Variants in ANAPC5 observed in about 807,000 individuals in gnomAD.
ANAPC5 encodes the protein anaphase promoting complex subunit 5, also known as anaphase-promoting complex subunit 5.
In ANAPC5, 60 loss-of-function variants were observed where a neutral mutation model predicts 91.3. The observed-to-expected ratio is 0.66, with a 90% confidence interval of 0.53 to 0.81. The LOEUF is 0.81. Ranked by LOEUF, ANAPC5 falls within the 40% of genes least tolerant of loss-of-function variation. The pLI is 0.00. For missense variants in ANAPC5, 690 were observed against 931.5 expected, an observed-to-expected ratio of 0.74 and a Z score of 3.37; for synonymous variants, 340 against 364.1, an observed-to-expected ratio of 0.93 and a Z score of 0.75.
rs1379913558 is a variant in ANAPC5 at position 121,342,791 on chromosome 12, G to GGA, written c.591-724_591-723dup. On this transcript the variant is annotated intron_variant, in intron 4 of 16. Coordinates refer to ENST00000261819, the MANE Select transcript of ANAPC5 (RefSeq NM_016237.5). This position sits in a 1 kb window ranked among gnomAD's most constrained non-coding sequence, Gnocchi z 4.1. ...GAAAAATTGTTTGATCCCGGGAGGT[G>GGA]GAGGTTGCAGCGAGCCAAGATCACG... Among the ~76,000 whole-genome samples, 8 of 152,136 alleles carry GGA rather than the reference G, an allele frequency of 5.3e-5. No individual in the cohort carries two copies. The highest frequency in any genetic ancestry group is 1.9e-4 in the African/African-American group (8 of 41,424).
chr12:121,330,839 A>G (rs1469736127), intron 8 of ANAPC5, 167 bp from the exon 9 acceptor site: 1 of 557,462 alleles, frequency 1.8e-6, no homozygotes, highest in South Asian at 2.2e-5. Flanking sequence ...AAACATATCA[A>G]CATCATTAAA....
chr12:121,322,961 G>C (rs561103720), intron 11 of ANAPC5, among the ~76,000 whole-genome samples: 4 of 152,142 alleles, frequency 2.6e-5, no homozygotes, highest in Non-Finnish European at 5.9e-5. Flanking sequence ...GGAGGCAGAG[G>C]TTGCAGTGAG....
At chr12:121,320,506 C>T (rs1350251296) in intron 11 of ANAPC5, 47 bp from the exon 12 acceptor site, 1 of 1,535,934 alleles carries the variant, frequency 6.5e-7, no homozygotes, top group Non-Finnish European at 9.0e-7. Flanking sequence ...GTGTTGAATC[C>T]ACACCTGCTG....
At position 121,345,910 on chromosome 12, in the gene ANAPC5, A is replaced by G. The variant is rs144971466; in HGVS notation, c.519T>C (p.Ala173=). 1 of 1,614,070 alleles carries G rather than the reference A, an allele frequency of 6.2e-7. No homozygotes were observed. The highest frequency in any genetic ancestry group is 8.5e-7 in the Non-Finnish European group (1 of 1,180,044). The change falls in exon 4 of 17, where the codon GCT becomes GCC. Residue 173 remains alanine, a synonymous_variant. Coordinates refer to ENST00000261819, the MANE Select transcript of ANAPC5 (RefSeq NM_016237.5). ...QNGEKKTVED[A]DMELTSRDEG... ...CATCTCTACTGGTCAGTTCCATATC[A>G]GCATCCTCCACTGTCTTTTTCTCAC... is the stretch of plus-strand genomic sequence containing the variant.
chr12:121,343,763 C>T (rs1474563964), intron 4 of ANAPC5, among the ~76,000 whole-genome samples: 1 of 152,212 alleles, frequency 6.6e-6, no homozygotes, highest in Non-Finnish European at 1.5e-5. Flanking sequence ...AGCCTAACAG[C>T]CTGCAATGCA....
chr12:121,312,812 G>A (rs1183831681), intron 15 of ANAPC5, among the ~76,000 whole-genome samples: 8 of 151,496 alleles, frequency 5.3e-5, no homozygotes, highest in Admixed American at 1.3e-4. Flanking sequence ...CCCAGGAGGC[G>A]GAGGTTGCAG....
chr12:121,333,893 A>G (rs1903133087), intron 7 of ANAPC5: 1 of 152,064 alleles, frequency 6.6e-6, no homozygotes, highest in African/African-American at 2.4e-5. Flanking sequence ...TCCCTCCCAC[A>G]TTACTTATAT....
chr12:121,309,889 T>C (rs1401225623), intron 15 of ANAPC5, 26 bp from the exon 16 acceptor site: 1 of 1,582,762 alleles, frequency 6.3e-7, no homozygotes, highest in Non-Finnish European at 8.6e-7. Context: ...CATGGCACTG[T>C]ACATACCCAA....
At chr12:121,353,435 CTTTTG>C (rs61516038), upstream of ANAPC5, among the ~76,000 whole-genome samples, 9 of 150,942 alleles carry the variant, frequency 6.0e-5, no homozygotes, top group South Asian at 2.1e-4. Context: ...TGCCTTGTGC[CTTTTG>C]TTTTGTTTTG....
chr12:121,340,685 T>C (rs1259128864), intron 5 of ANAPC5, among the ~76,000 whole-genome samples: 2 of 151,768 alleles, frequency 1.3e-5, no homozygotes, highest in Non-Finnish European at 2.9e-5. Context: ...CCCGAGTAGC[T>C]GGGATTACAG....
rs1903811571 is a variant in ANAPC5 at position 121,349,723 on chromosome 12, T to TA, written c.208-1843_208-1842insT. ...AGAGACCAGAATCACTGTTTCTATT[T>TA]TTTTTTTTTTTTTGGAGACGGATGC... is the stretch of plus-strand genomic sequence containing the variant. On this transcript the variant is annotated intron_variant, in intron 1 of 16. Transcript: ENST00000261819. Among the ~76,000 whole-genome samples, 3 of 148,570 alleles carry TA rather than the reference T, an allele frequency of 2.0e-5. No homozygotes were observed. The South Asian group carries it at 6.3e-4, about 31-fold the overall frequency.
chr12:121,346,267 A>G (rs782507541), intron 3 of ANAPC5: 2 of 412,970 alleles, frequency 4.8e-6, no homozygotes, highest in East Asian at 7.8e-5. Context: ...GAAGGCTTCC[A>G]TTTTACTTTC....
chr12:121,327,701 A>G (rs1357253968), intron 10 of ANAPC5: 1 of 165,678 alleles, frequency 6.0e-6, no homozygotes, highest in Non-Finnish European at 1.3e-5. Context: ...AATTCCTAGA[A>G]ACAGACTGTC....
chr12:121,326,024 G>A (rs1335019292), intron 11 of ANAPC5, among the ~76,000 whole-genome samples: 9 of 152,144 alleles, frequency 5.9e-5, no homozygotes, highest in Admixed American at 2.6e-4. Context: ...ACATTCCCAG[G>A]GGAAGCAACC....
chr12:121,318,105 A>C (rs1902443163), intron 15 of ANAPC5, 172 bp downstream of exon 15: 1 of 669,786 alleles, frequency 1.5e-6, no homozygotes, highest in Admixed American at 4.0e-5. Context: ...GTTTGTCACC[A>C]GGTTCACACC....
intron 15 of ANAPC5, among the ~76,000 whole-genome samples, chr12:121,315,041 A>G (rs1422040850): frequency 1.3e-5 from 2 of 152,096 alleles, no homozygotes; most frequent in Non-Finnish European, 2.9e-5. Context: ...AACTATCTCT[A>G]TTTGCAGATG....
intron 7 of ANAPC5, chr12:121,335,056 T>C (rs1439426588): frequency 1.3e-5 from 2 of 152,744 alleles, no homozygotes; most frequent in Non-Finnish European, 2.9e-5. Flanking sequence ...TTTCCTATCT[T>C]CTTTTTAAAA....
chr12:121,349,273 G>A (rs78358876), intron 1 of ANAPC5, among the ~76,000 whole-genome samples: 3,192 of 152,216 alleles, frequency 0.021, 106 homozygotes, highest in African/African-American at 0.073. Context: ...AAACTATACA[G>A]TAGGGGGCCA....
intron 15 of ANAPC5, among the ~76,000 whole-genome samples, chr12:121,317,249 C>T (rs1019731929): frequency 7.3e-5 from 11 of 150,330 alleles, no homozygotes; most frequent in Non-Finnish European, 5.9e-5. Flanking sequence ...TCTTGTGTTA[C>T]ATACTTTTTT....
Sources: gnomAD v4.1 joint callset for allele counts (sites outside exome capture counted in the v4.1 genomes callset) on GRCh38, gnomAD v4.1.1 for gene constraint, Gnocchi (gnomAD v3.1) non-coding constraint, MANE v1.5 for transcripts, NCBI Gene and HGNC (gene_info 2026-07-23, HGNC 2026-07-21) for gene names.